The following FRAS1 variants were observed in gnomAD, a reference collection of about 807,000 sequenced individuals.
FRAS1 encodes extracellular matrix organizing protein FRAS1.
In FRAS1, 290 loss-of-function variants were observed where a neutral mutation model predicts 435.2. The observed-to-expected ratio is 0.67, with a 90% CI of 0.61 to 0.73. The LOEUF (loss-of-function observed/expected upper bound fraction) is 0.73. Among genes scored for constraint, FRAS1 ranks in the 30% least tolerant of loss-of-function variants. FRAS1 has a pLI of 0.00. For missense variants in FRAS1, 4,860 were observed against 5,001.5 expected, an observed-to-expected ratio of 0.97 and a Z score of 0.85; for synonymous variants, 1,800 against 1,851.0, an observed-to-expected ratio of 0.97 and a Z score of 0.71.
At chr4:78,159,966 A>AGG (rs1721071289) in intron 2 of FRAS1, among the ~76,000 whole-genome samples, 1 of 152,186 alleles carries the variant, frequency 6.6e-6, no homozygotes, top group South Asian at 2.1e-4. Flanking sequence ...ATAAACATTT[A>AGG]GAGTGTTTTC....
At chr4:78,464,628 T>G in intron 49 of FRAS1, 45 bp downstream of exon 49, 1 of 1,604,630 alleles carries the variant, frequency 6.2e-7, no homozygotes, top group East Asian at 2.2e-5. Flanking sequence ...AATGAGAGGC[T>G]GACCTGGTGG....
At chr4:78,308,474 C>T (rs1173585632) in intron 15 of FRAS1, among the ~76,000 whole-genome samples, 1 of 152,198 alleles carries the variant, frequency 6.6e-6, no homozygotes, top group Non-Finnish European at 1.5e-5. Context: ...AGGTGGCCTG[C>T]TCAAGACCCA....
At chr4:78,258,184 T>A (rs558176898) in intron 6 of FRAS1, among the ~76,000 whole-genome samples, 1 of 151,928 alleles carries the variant, frequency 6.6e-6, no homozygotes, top group South Asian at 2.1e-4. Flanking sequence ...CTACAAAAAA[T>A]GCAAAACTTA....
chr4:78,529,733 G>A (rs1050007892), intron 70 of FRAS1, among the ~76,000 whole-genome samples: 1 of 152,116 alleles, frequency 6.6e-6, no homozygotes, highest in Non-Finnish European at 1.5e-5. Flanking sequence ...CTAACAAATG[G>A]GTAGCATATA....
At chr4:78,314,932 A>C (rs571717985) in intron 15 of FRAS1, among the ~76,000 whole-genome samples, 1 of 152,244 alleles carries the variant, frequency 6.6e-6, no homozygotes, top group African/African-American at 2.4e-5. Flanking sequence ...AAATATTTCC[A>C]ATATTGTCTA....
chr4:78,236,072 A>G (rs1724741170), intron 2 of FRAS1, among the ~76,000 whole-genome samples: 1 of 152,210 alleles, frequency 6.6e-6, no homozygotes, highest in Non-Finnish European at 1.5e-5. Flanking sequence ...AGGTGCTGAG[A>G]CTTAGAAGAA....
intron 72 of FRAS1, among the ~76,000 whole-genome samples, chr4:78,537,666 G>T (rs368791100): frequency 1.3e-5 from 2 of 152,126 alleles, no homozygotes; most frequent in Admixed American, 6.5e-5. Flanking sequence ...AAAGAGGCAG[G>T]GCGTGGTGGC....
chr4:78,098,300 G>GTC (rs1333073868), intron 2 of FRAS1, among the ~76,000 whole-genome samples: 112 of 142,838 alleles, frequency 7.8e-4, no homozygotes, highest in African/African-American at 2.7e-3. Context: ...TTTGGACAGA[G>GTC]TCTCTCTCTC....
Position 78,452,035 on chromosome 4 carries a change from C to T in FRAS1, c.6584-140C>T, listed in dbSNP as rs192789330. On this transcript the variant is annotated intron_variant, in intron 46 of 73. Transcript: ENST00000512123. ...TGAAAATCATACCCCCTTTATTGCA[C>T]GAAGCCCTGGCTCCTTGGTGTGCTC... 521 of 1,231,904 alleles carry T rather than the reference C, an allele frequency of 4.2e-4. 2 individuals carry two copies. Among genetic ancestry groups the T allele is most frequent in the South Asian group, 7.7e-4 (52 of 67,596 alleles). 76.3% of individuals were successfully genotyped at this position (1,231,904 alleles called of 1,614,324 possible).
intron 29 of FRAS1, among the ~76,000 whole-genome samples, chr4:78,398,908 G>C (rs1440101301): frequency 6.6e-6 from 1 of 152,132 alleles, no homozygotes; most frequent in Admixed American, 6.5e-5. Flanking sequence ...GTTTGAACCT[G>C]AGAGGCGGAG....
At chr4:78,085,698 A>G (rs900308715) in intron 2 of FRAS1, among the ~76,000 whole-genome samples, 20 of 152,206 alleles carry the variant, frequency 1.3e-4, no homozygotes, top group Non-Finnish European at 2.4e-4. Context: ...ATAATGGTAA[A>G]GGGATCAATT....
chr4:78,407,424 G>C (rs969882087), intron 30 of FRAS1, among the ~76,000 whole-genome samples: 2 of 152,156 alleles, frequency 1.3e-5, no homozygotes, highest in African/African-American at 4.8e-5. Context: ...CTTCATACAT[G>C]AATTGTCCTT....
At chr4:78,248,506 T>C (rs750233680) in intron 4 of FRAS1, among the ~76,000 whole-genome samples, 4 of 152,080 alleles carry the variant, frequency 2.6e-5, no homozygotes, top group Non-Finnish European at 4.4e-5. Context: ...CCCAGCCTGA[T>C]TGAATGGGGA....
chr4:78,481,685 G>T, intron 56 of FRAS1, 119 bp from the exon 57 acceptor site: 1 of 1,105,918 alleles, frequency 9.0e-7, no homozygotes. Flanking sequence ...AGCTAGATTA[G>T]AAAAGCTCAA....
intron 61 of FRAS1, among the ~76,000 whole-genome samples, chr4:78,504,835 T>C (rs533167029): frequency 9.4e-4 from 143 of 152,354 alleles, no homozygotes; most frequent in African/African-American, 3.2e-3. Context: ...GTCTTTACAA[T>C]TTGGCATGTT....
At chr4:78,193,465 T>A (rs1722646812) in intron 2 of FRAS1, among the ~76,000 whole-genome samples, 1 of 152,234 alleles carries the variant, frequency 6.6e-6, no homozygotes, top group Non-Finnish European at 1.5e-5. Context: ...CTGTATTGGG[T>A]TCATATATAT....
chr4:78,082,568 TGTTA>T (rs1378863273), intron 2 of FRAS1, among the ~76,000 whole-genome samples: 1 of 152,092 alleles, frequency 6.6e-6, no homozygotes, highest in East Asian at 1.9e-4. Flanking sequence ...TTTTTTCTTC[TGTTA>T]GTTCATCCAG....
chr4:78,260,782 A>G (rs1181518531), intron 6 of FRAS1, among the ~76,000 whole-genome samples: 1 of 152,150 alleles, frequency 6.6e-6, no homozygotes, highest in Non-Finnish European at 1.5e-5. Flanking sequence ...GTCTTGTGCC[A>G]GTTTTCAAAG....
intron 47 of FRAS1, among the ~76,000 whole-genome samples, chr4:78,457,758 C>A (rs1335810385): frequency 6.6e-6 from 1 of 152,180 alleles, no homozygotes; most frequent in Admixed American, 6.5e-5. Context: ...ATCAAGGTGT[C>A]GCTCACAAAT....
Sources: allele counts gnomAD v4.1 joint callset (sites outside exome capture counted in the v4.1 genomes callset), GRCh38; gene constraint gnomAD v4.1.1; transcripts MANE v1.5; gene names NCBI Gene and HGNC (gene_info 2026-07-23, HGNC 2026-07-21).